The following PCSK2 variants were observed in gnomAD, a reference collection of about 807,000 sequenced individuals.
The protein encoded by PCSK2 is proprotein convertase subtilisin/kexin type 2.
PCSK2 carries 14 observed loss-of-function variants against 69.7 expected under a neutral mutation model. The observed-to-expected ratio is 0.20, with a 90% CI of 0.13 to 0.31. PCSK2 has a LOEUF of 0.31. Among genes scored for constraint, PCSK2 ranks in the 10% least tolerant of loss-of-function variants. PCSK2 has a pLI of 1.00. For missense variants in PCSK2, 544 were observed against 842.5 expected (o/e 0.65, Z 4.39); for synonymous variants, 307 against 320.7 (o/e 0.96, Z 0.46).
At chr20:17,396,020 G>A (rs1280706986) in intron 5 of PCSK2, among the ~76,000 whole-genome samples, 1 of 152,114 alleles carries the variant, frequency 6.6e-6, no homozygotes, top group East Asian at 1.9e-4. Context: ...TCAAAGGCAA[G>A]CAGAACTCTC....
At chr20:17,394,156 CTATGATAATAACA>C (rs1355589947) in intron 5 of PCSK2, among the ~76,000 whole-genome samples, 1 of 152,110 alleles carries the variant, frequency 6.6e-6, no homozygotes, top group Non-Finnish European at 1.5e-5. Flanking sequence ...ATAGTTTTCT[CTATGATAATAACA>C]AAATAATAAT....
chr20:17,283,829 G>A (rs1301653822), intron 2 of PCSK2, among the ~76,000 whole-genome samples: 1 of 152,154 alleles, frequency 6.6e-6, no homozygotes, highest in Non-Finnish European at 1.5e-5. Context: ...TAGCATGTTT[G>A]CTCAGCCCCA....
At chr20:17,349,671 T>C (rs1295329505) in intron 2 of PCSK2, among the ~76,000 whole-genome samples, 1 of 151,932 alleles carries the variant, frequency 6.6e-6, no homozygotes, top group Non-Finnish European at 1.5e-5. Flanking sequence ...AAAAAAAAAA[T>C]CCTCAGACTA....
intron 2 of PCSK2, among the ~76,000 whole-genome samples, chr20:17,319,069 G>C (rs892718177): frequency 2.0e-5 from 3 of 152,168 alleles, no homozygotes; most frequent in African/African-American, 7.2e-5. Flanking sequence ...TTAATCATTA[G>C]TGAGCCATTA....
At chr20:17,331,398 C>T (rs1377616751) in intron 2 of PCSK2, among the ~76,000 whole-genome samples, 1 of 152,178 alleles carries the variant, frequency 6.6e-6, no homozygotes, top group African/African-American at 2.4e-5. Context: ...GAGTCATGAA[C>T]CATCTATTAA....
At chr20:17,480,523 T>C (rs543320325) in intron 11 of PCSK2, among the ~76,000 whole-genome samples, 1 of 152,302 alleles carries the variant, frequency 6.6e-6, no homozygotes, top group African/African-American at 2.4e-5. Context: ...GCAGTCATAT[T>C]AGCAACAGCT....
intron 2 of PCSK2, among the ~76,000 whole-genome samples, chr20:17,321,793 A>G (rs1989876877): frequency 6.6e-6 from 1 of 152,170 alleles, no homozygotes; most frequent in South Asian, 2.1e-4. Flanking sequence ...AAGAACTATT[A>G]AAAAGAGTTG....
chr20:17,434,758 C>G (rs745943812), intron 7 of PCSK2, among the ~76,000 whole-genome samples: 1 of 152,148 alleles, frequency 6.6e-6, no homozygotes, highest in African/African-American at 2.4e-5. Context: ...GTGGGCCATT[C>G]AGTCCTGGTC....
intron 5 of PCSK2, among the ~76,000 whole-genome samples, chr20:17,378,590 C>CGGATGGATGGATGGATGGAT (rs57945532): frequency 7.3e-6 from 1 of 136,190 alleles, no homozygotes; most frequent in Non-Finnish European, 1.6e-5. Flanking sequence ...GATGGATGGA[C>CGGATGGATGGATGGATGGAT]GGATGGATGG....
chr20:17,251,432 T>A (rs943028005), intron 1 of PCSK2, among the ~76,000 whole-genome samples: 5 of 152,282 alleles, frequency 3.3e-5, no homozygotes, highest in East Asian at 1.9e-4. Flanking sequence ...TTCTAAAAAA[T>A]TTTTATTCAC....
chr20:17,238,675 C>T (rs562882346), intron 1 of PCSK2, among the ~76,000 whole-genome samples: 59 of 152,274 alleles, frequency 3.9e-4, no homozygotes, highest in African/African-American at 1.3e-3. Flanking sequence ...CATACACCAA[C>T]TTGGTCTGAC....
chr20:17,425,059 A>C (rs2032216896), intron 6 of PCSK2, among the ~76,000 whole-genome samples: 2 of 152,194 alleles, frequency 1.3e-5, no homozygotes, highest in African/African-American at 4.8e-5. Flanking sequence ...TACAGGAGTG[A>C]GCCACCACAC....
chr20:17,316,711 C>T (rs542133460), intron 2 of PCSK2, among the ~76,000 whole-genome samples: 92 of 152,292 alleles, frequency 6.0e-4, no homozygotes, highest in African/African-American at 2.1e-3. Flanking sequence ...AATAATGCCT[C>T]CTTTCTCCAC....
intron 2 of PCSK2, among the ~76,000 whole-genome samples, chr20:17,323,977 C>A (rs986472514): frequency 6.6e-6 from 1 of 152,232 alleles, no homozygotes; most frequent in South Asian, 2.1e-4. Context: ...ATGCTCCCCA[C>A]CAGAGAAGCC....
chr20:17,280,316 T>C (rs138629706), intron 2 of PCSK2, among the ~76,000 whole-genome samples: 9 of 152,374 alleles, frequency 5.9e-5, no homozygotes, highest in Admixed American at 5.9e-4. Flanking sequence ...GGTGGAAATT[T>C]CTTTCAAACT....
intron 2 of PCSK2, among the ~76,000 whole-genome samples, chr20:17,313,838 C>A (rs1989592786): frequency 3.9e-5 from 6 of 152,104 alleles, no homozygotes; most frequent in Non-Finnish European, 1.5e-5. Flanking sequence ...AAAATCCAGC[C>A]CCAAACCCAT....
chr20:17,256,987 T>G (rs1952168547), intron 1 of PCSK2, among the ~76,000 whole-genome samples: 1 of 152,162 alleles, frequency 6.6e-6, no homozygotes, highest in South Asian at 2.1e-4. Flanking sequence ...TTCCATGGTG[T>G]ATATATGCCA....
chr20:17,315,776 G>A (rs113143530), intron 2 of PCSK2, among the ~76,000 whole-genome samples: 2,183 of 152,304 alleles, frequency 0.014, 48 homozygotes, highest in African/African-American at 0.049. Flanking sequence ...CGCCGACACG[G>A]TCTCCTGCAG....
At chr20:17,244,882 C>T (rs763914469) in intron 1 of PCSK2, among the ~76,000 whole-genome samples, 20 of 152,352 alleles carry the variant, frequency 1.3e-4, no homozygotes, top group Non-Finnish European at 2.5e-4. Flanking sequence ...TTCATCCCCT[C>T]ATCACTGGGC....
Sources: gnomAD v4.1 joint callset for allele counts (sites outside exome capture counted in the v4.1 genomes callset) on GRCh38, gnomAD v4.1.1 for gene constraint, MANE v1.5 for transcripts, NCBI Gene and HGNC (gene_info 2026-07-23, HGNC 2026-07-21) for gene names.